Variants in DMXL2 observed in about 807,000 individuals in gnomAD.
The protein encoded by DMXL2 is dmX-like protein 2.
In DMXL2, 103 loss-of-function variants were observed where a neutral mutation model predicts 331.1. The observed-to-expected ratio is 0.31, with a 90% confidence interval of 0.27 to 0.37. DMXL2 has a LOEUF of 0.37. Ranked by LOEUF, DMXL2 falls within the 10% of genes least tolerant of loss-of-function variation. DMXL2 has a pLI of 1.00. For missense variants in DMXL2, 3,171 were observed against 3,642.9 expected (o/e 0.87, Z 3.33); for synonymous variants, 1,281 against 1,252.1 (o/e 1.02, Z -0.49).
intron 9 of DMXL2, among the ~76,000 whole-genome samples, chr15:51,539,354 T>A (rs1248348628): frequency 1.3e-5 from 2 of 152,186 alleles, no homozygotes; most frequent in Non-Finnish European, 2.9e-5. Flanking sequence ...GTATTAACTG[T>A]ACTATTCTTC....
chr15:51,461,475 T>C (rs572826978), intron 33 of DMXL2, among the ~76,000 whole-genome samples: 5 of 152,302 alleles, frequency 3.3e-5, no homozygotes, highest in East Asian at 1.9e-4. Context: ...TTTTAATAAT[T>C]TGAAGAACAA....
chr15:51,494,940 A>G (rs1056420060), intron 19 of DMXL2, 84 bp downstream of exon 19: 7 of 925,730 alleles, frequency 7.6e-6, no homozygotes, highest in Non-Finnish European at 1.2e-5. Context: ...TGACTTACCT[A>G]ATGTTTACAC....
Position 51,536,660 on chromosome 15 carries a change from G to A in DMXL2, c.1820C>T (p.Ala607Val), listed in dbSNP as rs761516232. The A allele has an allele frequency of 3.7e-6, 6 of 1,614,028 alleles. No homozygotes were observed. Among genetic ancestry groups the A allele is most frequent in the Non-Finnish European group, 5.1e-6 (6 of 1,179,996 alleles). ...TTTAGAGATCATCATTACTGTGGGA[G>A]CTAAGATGTTCATATGTGTACTGTG... ...RSHSTHMNIL[A>V]PTVMMISKHI... The change falls in exon 12 of 44, where the codon GCT (alanine) becomes GTT (valine). Residue 607 changes from alanine to valine, a missense_variant. Ala to Val is a moderately conservative substitution (Grantham distance 64). Around this residue, in one of 7 missense-constraint regions of DMXL2, gnomAD observed 1,674 missense variants for 1,780.2 expected, o/e 0.94. Transcript: ENST00000560891.
chr15:51,615,897 T>C (rs776071443), intron 1 of DMXL2, among the ~76,000 whole-genome samples: 4 of 152,212 alleles, frequency 2.6e-5, no homozygotes, highest in Non-Finnish European at 5.9e-5. Flanking sequence ...TAAGCCAGAA[T>C]GTTTATGAGT....
intron 6 of DMXL2, among the ~76,000 whole-genome samples, chr15:51,560,650 C>T (rs193140089): frequency 2.6e-4 from 36 of 137,628 alleles, no homozygotes; most frequent in African/African-American, 9.3e-4. Context: ...GCCCGGGTGA[C>T]GGATTGAGAC....
chr15:51,613,981 T>C lies in DMXL2; in HGVS notation c.87+8478A>G, dbSNP rs773705296. Reference sequence around the variant, plus strand: ...TTGTTAACATGTGTTGTGGACTATATTGTGTAACCCCAAAATTCATAGCTT... The same window carrying C: ...TTGTTAACATGTGTTGTGGACTATACTGTGTAACCCCAAAATTCATAGCTT... On this transcript the variant is annotated intron_variant, in intron 1 of 43. Transcript: ENST00000560891. Among the ~76,000 whole-genome samples the C allele has an allele frequency of 3.9e-5, 6 of 152,332 alleles. No homozygotes were observed. In the South Asian group the frequency reaches 8.3e-4, roughly 21 times the overall value.
chr15:51,583,200 T>C (rs1202834858), intron 1 of DMXL2, among the ~76,000 whole-genome samples: 2 of 116,160 alleles, frequency 1.7e-5, no homozygotes, highest in Non-Finnish European at 3.6e-5. Flanking sequence ...TATGTATACA[T>C]GTGCCATGCT....
intron 3 of DMXL2, 34 bp from the exon 4 acceptor site, chr15:51,565,200 A>G: frequency 7.0e-7 from 1 of 1,423,522 alleles, no homozygotes; most frequent in African/African-American, 1.5e-5. Context: ...ATAAGAAAAA[A>G]GAAAAAGATG....
chr15:51,479,894 C>T (rs1223242542), intron 25 of DMXL2, 54 bp downstream of exon 25: 1 of 1,303,046 alleles, frequency 7.7e-7, no homozygotes, highest in African/African-American at 1.5e-5. Flanking sequence ...ACAGGTATAA[C>T]ATATTTACCT....
intron 1 of DMXL2, among the ~76,000 whole-genome samples, chr15:51,590,443 G>C (rs1013669333): frequency 6.6e-6 from 1 of 152,200 alleles, no homozygotes; most frequent in African/African-American, 2.4e-5. Flanking sequence ...TGATAACTGA[G>C]GCTCAGCTGT....
At position 51,476,609 on chromosome 15, in the gene DMXL2, G is replaced by C. The variant is rs2041604028; in HGVS notation, c.6944C>G (p.Ser2315Ter). The C allele has an allele frequency of 6.2e-7, 1 of 1,609,062 alleles. No individual in the cohort carries two copies. The highest frequency in any genetic ancestry group is 8.5e-7 in the Non-Finnish European group (1 of 1,178,418). The change falls in exon 27 of 44, where the codon TCA (serine) becomes TGA (stop). Residue 2315 changes from serine to a stop codon, truncating the protein, a stop_gained. Coordinates refer to ENST00000560891, the MANE Select transcript of DMXL2 (RefSeq NM_001378457.1). LOFTEE classifies it high-confidence loss of function. Reference protein sequence around the residue: ...ESIEEHATPNSSPAQWPGVSS... With the variant: ...ESIEEHATPN ...CTCACCAGGCCATTGAGCAGGAGATGAATTTGGTGTTGCGTGTTCTTCAAT... is the reference window on the plus strand; with the variant it reads ...CTCACCAGGCCATTGAGCAGGAGATCAATTTGGTGTTGCGTGTTCTTCAAT...
chr15:51,554,364 G>T (rs1341758968), intron 6 of DMXL2, among the ~76,000 whole-genome samples: 2 of 152,166 alleles, frequency 1.3e-5, no homozygotes, highest in Non-Finnish European at 2.9e-5. Context: ...GAGTAATGGG[G>T]TATTTGTTTT....
chr15:51,596,707 G>A (rs563923069), intron 1 of DMXL2, among the ~76,000 whole-genome samples: 1 of 152,350 alleles, frequency 6.6e-6, no homozygotes, highest in African/African-American at 2.4e-5. Flanking sequence ...TTAAGAAAAT[G>A]TGGCACATAT....
intron 2 of DMXL2, among the ~76,000 whole-genome samples, chr15:51,574,219 G>T (rs1346289577): frequency 6.6e-6 from 1 of 152,074 alleles, no homozygotes; most frequent in Non-Finnish European, 1.5e-5. Context: ...TTTGTTCCAG[G>T]TCACATACCT....
chr15:51,508,869 A>C (rs1387373320), intron 15 of DMXL2, among the ~76,000 whole-genome samples: 2 of 152,206 alleles, frequency 1.3e-5, no homozygotes, highest in Non-Finnish European at 2.9e-5. Context: ...GAACTGATAA[A>C]ATTGGAAAAT....
chr15:51,506,090 T>A (rs1051322992), intron 16 of DMXL2, among the ~76,000 whole-genome samples: 1 of 152,192 alleles, frequency 6.6e-6, no homozygotes, highest in Non-Finnish European at 1.5e-5. Context: ...AATGGAAAAA[T>A]TGACAAGGGT....
intron 23 of DMXL2, among the ~76,000 whole-genome samples, chr15:51,484,878 G>A (rs1400219578): frequency 6.6e-6 from 1 of 151,898 alleles, no homozygotes; most frequent in Non-Finnish European, 1.5e-5. Flanking sequence ...CAAGGAGATA[G>A]ATATCATACA....
chr15:51,487,331 A>C (rs1192889699), intron 22 of DMXL2, among the ~76,000 whole-genome samples: 1 of 152,216 alleles, frequency 6.6e-6, no homozygotes, highest in Non-Finnish European at 1.5e-5. Context: ...GGAGGTTGTG[A>C]CCTATGTACT....
chr15:51,456,956 G>A (rs908981800), intron 37 of DMXL2, among the ~76,000 whole-genome samples: 1 of 152,104 alleles, frequency 6.6e-6, no homozygotes, highest in Non-Finnish European at 1.5e-5. Context: ...TAGATCACTT[G>A]AGCCCAGGAG....
Sources: allele counts gnomAD v4.1 joint callset (sites outside exome capture counted in the v4.1 genomes callset), GRCh38; gene constraint gnomAD v4.1.1; regional missense constraint gnomAD v4.1.1; transcripts MANE v1.5; gene names NCBI Gene and HGNC (gene_info 2026-07-23, HGNC 2026-07-21).